The following ROBO2 variants were observed in gnomAD, a reference collection of about 807,000 sequenced individuals.
ROBO2 encodes the protein roundabout homolog 2.
A neutral mutation model predicts 160.8 loss-of-function variants in ROBO2; 53 were observed. The observed-to-expected ratio is 0.33, with a 90% CI of 0.26 to 0.41. The LOEUF is 0.41. Among genes scored for constraint, ROBO2 ranks in the 10% least tolerant of loss-of-function variants. ROBO2 has a pLI of 1.00. For missense variants in ROBO2, 1,577 were observed against 1,722.4 expected, an observed-to-expected ratio of 0.92 and a Z score of 1.49; for synonymous variants, 664 against 611.7, an observed-to-expected ratio of 1.09 and a Z score of -1.26.
intron 2 of ROBO2, among the ~76,000 whole-genome samples, chr3:77,029,005 C>A (rs1251091112): frequency 6.6e-6 from 1 of 152,006 alleles, no homozygotes; most frequent in African/African-American, 2.4e-5. Flanking sequence ...GAATTTGGTC[C>A]GGGATTTTTG....
intron 2 of ROBO2, among the ~76,000 whole-genome samples, chr3:76,845,563 C>G (rs1482444833): frequency 2.6e-5 from 4 of 151,876 alleles, no homozygotes; most frequent in Non-Finnish European, 5.9e-5. Flanking sequence ...TCTCCTGTTC[C>G]AAATCCTTTG....
chr3:76,641,830 C>T (rs1230070495), intron 2 of ROBO2, among the ~76,000 whole-genome samples: 2 of 152,122 alleles, frequency 1.3e-5, no homozygotes, highest in African/African-American at 2.4e-5. Flanking sequence ...TTTAAACTCC[C>T]GGACTTAGGC....
intron 2 of ROBO2, among the ~76,000 whole-genome samples, chr3:76,644,879 T>C (rs1355799538): frequency 6.6e-6 from 1 of 152,248 alleles, no homozygotes; most frequent in East Asian, 1.9e-4. Context: ...GCTAAACTTT[T>C]TACATGCATT....
intron 2 of ROBO2, among the ~76,000 whole-genome samples, chr3:76,622,262 G>C (rs2089237687): frequency 1.0e-4 from 7 of 69,268 alleles, no homozygotes; most frequent in Non-Finnish European, 1.5e-4. Flanking sequence ...AAGAAAGAAA[G>C]AAAGAAAGAA....
At chr3:77,330,293 G>A (rs1458699435) in intron 2 of ROBO2, among the ~76,000 whole-genome samples, 1 of 152,196 alleles carries the variant, frequency 6.6e-6, no homozygotes, top group African/African-American at 2.4e-5. Context: ...TGAAGCAGGT[G>A]GATCACTTGA....
intron 2 of ROBO2, among the ~76,000 whole-genome samples, chr3:76,250,278 A>G (rs939840097): frequency 3.9e-5 from 6 of 152,126 alleles, no homozygotes. Context: ...AATGTAAATA[A>G]TAGTTTACTG....
At chr3:76,908,645 A>T (rs2075772904) in intron 2 of ROBO2, among the ~76,000 whole-genome samples, 1 of 152,242 alleles carries the variant, frequency 6.6e-6, no homozygotes, top group South Asian at 2.1e-4. Context: ...GGCACAGAGA[A>T]ATCACTACCA....
At chr3:76,647,437 G>A (rs1006365863) in intron 2 of ROBO2, among the ~76,000 whole-genome samples, 4 of 152,144 alleles carry the variant, frequency 2.6e-5, no homozygotes, top group African/African-American at 4.8e-5. Flanking sequence ...CAGTTCAAAC[G>A]TCACAAAGCC....
chr3:77,087,855 C>T (rs1266980141), intron 1 of ROBO2, among the ~76,000 whole-genome samples: 1 of 151,788 alleles, frequency 6.6e-6, no homozygotes, highest in Non-Finnish European at 1.5e-5. Flanking sequence ...TATAGATGCA[C>T]ACATATATAA....
At chr3:77,417,455 G>A (rs1560777258) in intron 2 of ROBO2, among the ~76,000 whole-genome samples, 3 of 151,842 alleles carry the variant, frequency 2.0e-5, no homozygotes, top group Admixed American at 6.6e-5. Context: ...ATGCCCAGTG[G>A]AAAATGATAA....
intron 2 of ROBO2, among the ~76,000 whole-genome samples, chr3:77,171,049 G>A (rs1041686807): frequency 1.1e-4 from 17 of 152,136 alleles, no homozygotes; most frequent in Non-Finnish European, 1.3e-4. Flanking sequence ...GAGACTGGTC[G>A]ATTCTTGAGC....
At chr3:76,099,207 TC>T (rs1280806365) in intron 2 of ROBO2, among the ~76,000 whole-genome samples, 1 of 152,136 alleles carries the variant, frequency 6.6e-6, no homozygotes, top group Non-Finnish European at 1.5e-5. Context: ...GTTCCTTTTC[TC>T]CTCTTCTATC....
At chr3:76,493,718 G>A (rs759368939) in intron 2 of ROBO2, among the ~76,000 whole-genome samples, 69 of 152,168 alleles carry the variant, frequency 4.5e-4, no homozygotes, top group African/African-American at 1.3e-3. Context: ...TTGGAGCACA[G>A]CCTTCTACTG....
chr3:77,319,727 G>A (rs571973108), intron 2 of ROBO2, among the ~76,000 whole-genome samples: 77 of 152,256 alleles, frequency 5.1e-4, no homozygotes, highest in African/African-American at 1.8e-3. Context: ...ATGACACTCT[G>A]GCTATGTCAT....
At chr3:77,036,983 T>C (rs1401818856), upstream of ROBO2, among the ~76,000 whole-genome samples, 1 of 151,822 alleles carries the variant, frequency 6.6e-6, no homozygotes, top group Non-Finnish European at 1.5e-5. Context: ...ATTTTTTATA[T>C]AGGCAGTGCT....
chr3:76,807,842 T>G (rs1427380438), intron 2 of ROBO2, among the ~76,000 whole-genome samples: 1 of 152,004 alleles, frequency 6.6e-6, no homozygotes, highest in Non-Finnish European at 1.5e-5. Context: ...GCAGATAAAT[T>G]ATGATGAGGT....
chr3:77,535,872 A>G (rs895529446), intron 6 of ROBO2, among the ~76,000 whole-genome samples: 2 of 152,158 alleles, frequency 1.3e-5, no homozygotes, highest in African/African-American at 4.8e-5. Flanking sequence ...CAGTTACATG[A>G]TTTCCTATAG....
chr3:76,061,354 G>T (rs1008979323), intron 2 of ROBO2, among the ~76,000 whole-genome samples: 2 of 152,124 alleles, frequency 1.3e-5, no homozygotes, highest in African/African-American at 4.8e-5. Context: ...TGAGCTCTCT[G>T]TGTTTAAGTA....
chr3:77,403,032 T>C (rs1321633230), intron 2 of ROBO2, among the ~76,000 whole-genome samples: 3 of 152,166 alleles, frequency 2.0e-5, no homozygotes, highest in Admixed American at 6.6e-5. Context: ...TACAGATACA[T>C]TCCACCACCA....
Sources: gnomAD v4.1 joint callset for allele counts (sites outside exome capture counted in the v4.1 genomes callset) on GRCh38, gnomAD v4.1.1 for gene constraint, MANE v1.5 for transcripts, NCBI Gene and HGNC (gene_info 2026-07-23, HGNC 2026-07-21) for gene names.